INTS7: variants seen among roughly 807,000 people sequenced by gnomAD.
The protein encoded by INTS7 is chromosome 1 open reading frame 73.
INTS7 carries 46 observed loss-of-function variants against 109.2 expected under a neutral mutation model. The observed-to-expected ratio is 0.42, with a 90% confidence interval of 0.33 to 0.54. The LOEUF (loss-of-function observed/expected upper bound fraction) is 0.54, where lower values mean the gene tolerates loss of function less well. INTS7 is among the 20% of genes least tolerant of loss of function. The probability of loss-of-function intolerance (pLI) is 0.07; values close to 1 mark genes in which losing one functional copy is unlikely to be tolerated. For synonymous variants in INTS7, 412 were observed against 402.9 expected (o/e 1.02, Z -0.27); for missense variants, 929 against 1,132.4 (o/e 0.82, Z 2.58).
intron 7 of INTS7, among the ~76,000 whole-genome samples, chr1:212,001,064 CTTT>C (rs71137715): frequency 0.05 from 6,153 of 122,860 alleles, 115 homozygotes; most frequent in Non-Finnish European, 0.062. Flanking sequence ...GGCAGAATTC[CTTT>C]TTTTTTTTTT....
rs918299391 is a variant in INTS7 at position 212,035,195 on chromosome 1, A to T, written c.94+149T>A. ...TTCCCGCAACCTCCCGAAGGGGTCA[A>T]AGCCCACGCCCCAGCAAAAGCACAG... On this transcript the variant is annotated intron_variant, in intron 1 of 19. Transcript: ENST00000366994. The T allele has an allele frequency of 6.3e-6, 4 of 638,942 alleles. 1 individual carries two copies. The highest frequency in any genetic ancestry group is 5.6e-6 in the Non-Finnish European group (2 of 354,922). The allele number at this position is 638,942 out of a possible 1,614,324, so 39.6% of individuals were successfully genotyped here.
chr1:211,996,400 C>A (rs1665390624), intron 7 of INTS7, among the ~76,000 whole-genome samples: 1 of 151,646 alleles, frequency 6.6e-6, no homozygotes, highest in African/African-American at 2.4e-5. Context: ...CCAGCCTGGG[C>A]AACAGAGGAA....
chr1:212,014,718 AT>A (rs369061478), intron 4 of INTS7, among the ~76,000 whole-genome samples: 2 of 151,334 alleles, frequency 1.3e-5, no homozygotes, highest in African/African-American at 4.9e-5. Flanking sequence ...TGGTTTTTGT[AT>A]TTTTTGGTGG....
intron 16 of INTS7, among the ~76,000 whole-genome samples, chr1:211,965,208 G>A (rs544203951): frequency 8.6e-4 from 129 of 150,736 alleles, no homozygotes; most frequent in African/African-American, 3.1e-3. Flanking sequence ...ACTCAACATC[G>A]CTGATCATTA....
At position 212,007,329 on chromosome 1, in the gene INTS7, G is replaced by C; in HGVS notation, c.677C>G (p.Pro226Arg). ...QLLQQLVTSY[P>R]STKMVIVSLH... ...AGACACAATCACCATTTTGGTGGAC[G>C]GATAGGATGTGACCAGCTGTTGTAA... is the stretch of plus-strand genomic sequence containing the variant. The change falls in exon 6 of 20, where the codon CCG (proline) becomes CGG (arginine). Residue 226 changes from proline (P) to arginine (R), a missense_variant. This residue lies in a region of INTS7 where 787 missense variants were observed against 901.1 expected (regional missense o/e 0.87). Transcript: ENST00000366994. 6.2e-7 allele frequency: 1 copy of C among 1,613,918 alleles called. No individual in the cohort carries two copies. Among genetic ancestry groups the C allele is most frequent in the Non-Finnish European group, 8.5e-7 (1 of 1,179,868 alleles).
intron 7 of INTS7, among the ~76,000 whole-genome samples, chr1:212,004,154 G>A (rs1665799170): frequency 1.3e-5 from 2 of 152,120 alleles, no homozygotes; most frequent in Non-Finnish European, 1.5e-5. Context: ...GGACCAGCCT[G>A]GGCAACATGA....
chr1:211,992,061 ATTATTAT>A (rs912804273), intron 7 of INTS7, among the ~76,000 whole-genome samples: 2 of 152,216 alleles, frequency 1.3e-5, no homozygotes, highest in Non-Finnish European at 2.9e-5. Flanking sequence ...TAAAAAAGTG[ATTATTAT>A]TTAATACTAT....
intron 4 of INTS7, among the ~76,000 whole-genome samples, chr1:212,015,151 G>C (rs1038940272): frequency 1.3e-5 from 2 of 151,566 alleles, no homozygotes; most frequent in Non-Finnish European, 1.5e-5. Context: ...GCCCCTGCCC[G>C]GGAAGTGTGG....
intron 16 of INTS7, 91 bp from the exon 17 acceptor site, chr1:211,952,792 T>G (rs1663160991): frequency 8.6e-7 from 1 of 1,159,924 alleles, no homozygotes; most frequent in African/African-American, 1.6e-5. Flanking sequence ...TATTTTCATT[T>G]AATTTTTAAA....
At chr1:212,013,913 A>G (rs1019879829) in intron 4 of INTS7, among the ~76,000 whole-genome samples, 1 of 152,114 alleles carries the variant, frequency 6.6e-6, no homozygotes, top group East Asian at 1.9e-4. Context: ...CTAACAATGC[A>G]TTTCTCAGAA....
chr1:212,015,556 G>C (rs1273176923), intron 4 of INTS7, among the ~76,000 whole-genome samples: 17 of 151,462 alleles, frequency 1.1e-4, no homozygotes, highest in Non-Finnish European at 1.8e-4. Context: ...AGTACCCAGG[G>C]ACACAAACAC....
rs1249551777 is a variant in INTS7, at chr1:211,959,398, C to G, written c.2184-6697G>C. Among the ~76,000 whole-genome samples, 1 of 152,152 alleles carries G rather than the reference C, an allele frequency of 6.6e-6. No individual in the cohort carries two copies. The highest frequency in any genetic ancestry group is 1.5e-5 in the Non-Finnish European group (1 of 68,018). Reference sequence around the variant, plus strand: ...GTGCAGCCTTGGGTGTCCTGGGGGGCCTGCATCATAGCTCCTGTGCTTGTG... The same window carrying G: ...GTGCAGCCTTGGGTGTCCTGGGGGGGCTGCATCATAGCTCCTGTGCTTGTG... On this transcript the variant is annotated intron_variant, in intron 16 of 19. Transcript: ENST00000366994. The surrounding 1 kb of genome is among the most constrained non-coding windows in gnomAD (Gnocchi z 4.2).
At chr1:212,020,869 T>C in intron 2 of INTS7, 1 of 600,154 alleles carries the variant, frequency 1.7e-6, no homozygotes. Flanking sequence ...TTTTATTCTG[T>C]TCTCCAAAGA....
chr1:212,005,514 T>C (rs1052674639), intron 7 of INTS7, among the ~76,000 whole-genome samples: 1 of 152,208 alleles, frequency 6.6e-6, no homozygotes, highest in Non-Finnish European at 1.5e-5. Context: ...AAACTATTTA[T>C]ATATTTTACA....
chr1:211,995,749 C>T (rs1045668370), intron 7 of INTS7, among the ~76,000 whole-genome samples: 1 of 152,060 alleles, frequency 6.6e-6, no homozygotes, highest in African/African-American at 2.4e-5. Flanking sequence ...GGTGATTAGG[C>T]CATAGGGAAG....
chr1:211,990,004 A>G (rs1021707585), intron 7 of INTS7, among the ~76,000 whole-genome samples: 3 of 152,178 alleles, frequency 2.0e-5, no homozygotes, highest in Admixed American at 6.5e-5. Context: ...TTGATAATAC[A>G]TAACACTGAA....
Position 211,942,136 on chromosome 1 carries a change from A to C in INTS7, c.2602-25T>G. 6.2e-7 allele frequency: 1 copy of C among 1,605,874 alleles called. No individual in the cohort carries two copies. On this transcript the variant is annotated intron_variant, in intron 19 of 19. Coordinates refer to ENST00000366994, the MANE Select transcript of INTS7 (RefSeq NM_015434.4). The surrounding 1 kb of genome is among the most constrained non-coding windows in gnomAD (Gnocchi z 4.2). ...TCTGCAATGAAACAATTGTTAACTAACAACAATGGCTAACATTTCTTCAGT... is the reference window on the plus strand; with the variant it reads ...TCTGCAATGAAACAATTGTTAACTACCAACAATGGCTAACATTTCTTCAGT...
intron 5 of INTS7, among the ~76,000 whole-genome samples, chr1:212,008,766 G>A (rs575889836): frequency 1.3e-5 from 2 of 152,040 alleles, no homozygotes; most frequent in African/African-American, 4.8e-5. Flanking sequence ...TTAGACCCTG[G>A]AGTCTTTCTT....
In INTS7 at chr1:211,976,645, C is replaced by T; in HGVS notation, c.1545G>A (p.Gln515=). Residue 515 remains glutamine, a synonymous_variant, in exon 12 of 20, where the codon CAG becomes CAA. Transcript: ENST00000366994. ...ATCCATTGGAGACACTTTCAAGCTG[C>T]TGCTTAATTACTGCCTTACTTTCCA... ...LSVESKAVIK[Q]QLESVSNGWT... is the part of the protein sequence containing the mutation. 3.7e-6 allele frequency: 6 copies of T among 1,613,874 alleles called. No homozygotes were observed. Among genetic ancestry groups the T allele is most frequent in the Non-Finnish European group, 5.1e-6 (6 of 1,179,786 alleles).
Sources: allele counts gnomAD v4.1 joint callset (sites outside exome capture counted in the v4.1 genomes callset), GRCh38; gene constraint gnomAD v4.1.1; regional missense constraint gnomAD v4.1.1; non-coding constraint Gnocchi (gnomAD v3.1); transcripts MANE v1.5; gene names NCBI Gene and HGNC (gene_info 2026-07-23, HGNC 2026-07-21).